BRINP3: variants seen among roughly 807,000 people sequenced by gnomAD.
The protein encoded by BRINP3 is BMP/retinoic acid-inducible neural-specific protein 3.
In BRINP3, 19 loss-of-function variants were observed where a neutral mutation model predicts 71.0. The ratio of observed to expected loss-of-function variants is 0.27; its 90% CI spans 0.19 to 0.39. The LOEUF (loss-of-function observed/expected upper bound fraction) is 0.39. Ranked by LOEUF, BRINP3 falls within the 10% of genes least tolerant of loss-of-function variation. The probability of loss-of-function intolerance (pLI) is 1.00; values close to 1 mark genes in which losing one functional copy is unlikely to be tolerated. For missense variants in BRINP3, 959 were observed against 940.8 expected (o/e 1.02, Z -0.25); for synonymous variants, 380 against 337.7 (o/e 1.13, Z -1.37).
At chr1:190,240,095 G>C (rs940427886) in intron 4 of BRINP3, among the ~76,000 whole-genome samples, 53 of 151,334 alleles carry the variant, frequency 3.5e-4, no homozygotes, top group African/African-American at 1.3e-3. Flanking sequence ...GAACTAACTT[G>C]ACTAGGAACT....
At chr1:190,357,571 G>T (rs1275964988) in intron 2 of BRINP3, among the ~76,000 whole-genome samples, 2 of 151,892 alleles carry the variant, frequency 1.3e-5, no homozygotes, top group Non-Finnish European at 2.9e-5. Context: ...TGGGCCTGTA[G>T]CCTTGTAGTA....
intron 2 of BRINP3, among the ~76,000 whole-genome samples, chr1:190,409,512 T>TA (rs1246335629): frequency 6.6e-6 from 1 of 152,144 alleles, no homozygotes; most frequent in Non-Finnish European, 1.5e-5. Flanking sequence ...CTAACAAATT[T>TA]AAAAAACAGA....
chr1:190,268,958 G>T (rs371801376), intron 3 of BRINP3, among the ~76,000 whole-genome samples: 109 of 152,068 alleles, frequency 7.2e-4, no homozygotes, highest in African/African-American at 2.4e-3. Flanking sequence ...TTTGTTTCCT[G>T]GAAGTAGGAA....
chr1:190,462,471 T>G (rs550257092), intron 1 of BRINP3, among the ~76,000 whole-genome samples: 1 of 152,152 alleles, frequency 6.6e-6, no homozygotes, highest in South Asian at 2.1e-4. Flanking sequence ...ATTTAAAGAA[T>G]AATAATAAAG....
intron 6 of BRINP3, among the ~76,000 whole-genome samples, chr1:190,211,575 C>A (rs1478647948): frequency 6.6e-6 from 1 of 152,022 alleles, no homozygotes; most frequent in South Asian, 2.1e-4. Context: ...TAGCACATTG[C>A]AATAGCTTTT....
intron 4 of BRINP3, among the ~76,000 whole-genome samples, chr1:190,245,962 C>T (rs1364158936): frequency 1.3e-5 from 2 of 151,894 alleles, no homozygotes; most frequent in East Asian, 1.9e-4. Context: ...CATAGTATTT[C>T]ATGGTGTGTA....
chr1:190,421,967 A>G (rs1187956502), intron 2 of BRINP3, among the ~76,000 whole-genome samples: 3 of 151,760 alleles, frequency 2.0e-5, no homozygotes, highest in Admixed American at 6.6e-5. Context: ...TGGCTACTTA[A>G]TAAGTCTCCA....
At chr1:190,260,481 T>C (rs575252364) in intron 4 of BRINP3, among the ~76,000 whole-genome samples, 27 of 152,022 alleles carry the variant, frequency 1.8e-4, no homozygotes, top group Non-Finnish European at 3.7e-4. Context: ...ATATAAAATG[T>C]GCAACAATTA....
In BRINP3 at chr1:190,160,812, A is replaced by T. The variant is rs1260848356; in HGVS notation, c.1040T>A (p.Met347Lys). ...ATAACGGCGCTGAAAATTAGAATCC[A>T]TTGTCCACAAATGCATTATAGTAGA... is the stretch of plus-strand genomic sequence containing the variant. ...NTSTIMHLWT[M>K]DSNFQRRYEQ... Residue 347 changes from methionine (M) to lysine (K), a missense_variant, in exon 7 of 8, where the codon ATG (methionine) becomes AAG (lysine). Transcript: ENST00000367462. The T allele has an allele frequency of 2.5e-6, 4 of 1,613,590 alleles. No individual in the cohort carries two copies. In the Admixed American group the frequency reaches 5.0e-5, roughly 20 times the overall value.
intron 6 of BRINP3, among the ~76,000 whole-genome samples, chr1:190,196,359 T>C (rs191783714): frequency 1.1e-4 from 16 of 152,284 alleles, no homozygotes; most frequent in African/African-American, 3.8e-4. Context: ...CAACACCAGA[T>C]AATGGTTCTG....
chr1:190,347,923 G>A lies in BRINP3; in HGVS notation c.237-66173C>T, dbSNP rs550929624. Among the ~76,000 whole-genome samples, 33 of 152,190 alleles carry A rather than the reference G, an allele frequency of 2.2e-4. 1 individual carries two copies. The highest frequency in any genetic ancestry group is 2.1e-3 in the Admixed American group (32 of 15,268). ...AGCTAGATCACAAAGTAAAGAATAA[G>A]GTTATGCATTGAAGACTGTCTATAT... On this transcript the variant is annotated intron_variant, in intron 2 of 7. Transcript: ENST00000367462.
chr1:190,148,038 T>C (rs1338656309), intron 7 of BRINP3, among the ~76,000 whole-genome samples: 1 of 152,182 alleles, frequency 6.6e-6, no homozygotes, highest in East Asian at 1.9e-4. Context: ...ATACGTCAAA[T>C]ATTTAAACTA....
chr1:190,421,304 A>ATTATTT (rs2102460091), intron 2 of BRINP3, among the ~76,000 whole-genome samples: 1 of 112,014 alleles, frequency 8.9e-6, no homozygotes, highest in East Asian at 2.7e-4. Flanking sequence ...TATTATTATT[A>ATTATTT]TTATTATTAT....
chr1:190,365,834 A>ATATATATATG (rs1669464386), intron 2 of BRINP3, among the ~76,000 whole-genome samples: 4 of 145,752 alleles, frequency 2.7e-5, no homozygotes, highest in Admixed American at 1.4e-4. Context: ...ATATATATAT[A>ATATATATATG]TACACACACA....
At chr1:190,322,145 G>T (rs893906479) in intron 2 of BRINP3, among the ~76,000 whole-genome samples, 1 of 151,830 alleles carries the variant, frequency 6.6e-6, no homozygotes, top group Non-Finnish European at 1.5e-5. Flanking sequence ...ACATATAATG[G>T]ATCAAAAAGC....
At chr1:190,412,822 A>T (rs1406281907) in intron 2 of BRINP3, among the ~76,000 whole-genome samples, 4 of 152,138 alleles carry the variant, frequency 2.6e-5, no homozygotes, top group Non-Finnish European at 2.9e-5. Context: ...TGTTAAAAAA[A>T]TTTTGGTAAA....
chr1:190,383,601 A>G (rs1346121936), intron 2 of BRINP3, among the ~76,000 whole-genome samples: 5 of 152,090 alleles, frequency 3.3e-5, no homozygotes, highest in African/African-American at 1.2e-4. Context: ...GAGTAGTGAA[A>G]TAAATTTCAA....
chr1:190,454,350 T>A (rs1157328294), intron 2 of BRINP3, among the ~76,000 whole-genome samples: 1 of 152,164 alleles, frequency 6.6e-6, no homozygotes, highest in Non-Finnish European at 1.5e-5. Flanking sequence ...AATTTCACTT[T>A]AAAATTTTGG....
chr1:190,160,144 C>T (rs1429998184), intron 7 of BRINP3, among the ~76,000 whole-genome samples: 1 of 152,028 alleles, frequency 6.6e-6, no homozygotes, highest in African/African-American at 2.4e-5. Flanking sequence ...CAAGTCAGTT[C>T]AGACACAAAT....
Sources: gnomAD v4.1 joint callset for allele counts (sites outside exome capture counted in the v4.1 genomes callset) on GRCh38, gnomAD v4.1.1 for gene constraint, MANE v1.5 for transcripts, NCBI Gene and HGNC (gene_info 2026-07-23, HGNC 2026-07-21) for gene names.